The following RYR1 variants were observed in gnomAD, a reference collection of about 807,000 sequenced individuals.
RYR1 encodes ryanodine receptor 1.
A neutral mutation model predicts 583.5 loss-of-function variants in RYR1; 342 were observed. The ratio of observed to expected loss-of-function variants is 0.59; its 90% CI spans 0.54 to 0.64. The LOEUF is 0.64. Among genes scored for constraint, RYR1 ranks in the 30% least tolerant of loss-of-function variants. RYR1 has a pLI of 0.00. For missense variants in RYR1, 6,032 were observed against 6,917.2 expected (o/e 0.87, Z 4.54); for synonymous variants, 2,791 against 2,822.5 (o/e 0.99, Z 0.35).
rs778720628 is a variant in RYR1, at chr19:38,564,951, C to T, written c.12625-8C>T. On this transcript the variant is annotated splice_region_variant and splice_polypyrimidine_tract_variant and intron_variant, in intron 90 of 105. Coordinates refer to ENST00000359596, the MANE Select transcript of RYR1 (RefSeq NM_000540.3). The stretch of plus-strand genomic sequence containing the variant: ...GCGCCCTATCCTGTCTGCCGCCCCT[C>T]GCTTCAGGTGAAGGAGTCCAAGCGC... 17 of 1,572,466 alleles carry T rather than the reference C, an allele frequency of 1.1e-5. No individual in the cohort carries two copies. The highest frequency in any genetic ancestry group is 1.5e-5 in the Non-Finnish European group (17 of 1,160,330).
Position 38,500,164 on chromosome 19 carries a change from C to G in RYR1, c.7323+148C>G. ...GTTGGGGACACAACAGTGACCAAGA[C>G]AGCCCCAGGGCCTGGTCTCACAGAG... On this transcript the variant is annotated intron_variant, in intron 45 of 105. Transcript: ENST00000359596. This position sits in a 1 kb window ranked among gnomAD's most constrained non-coding sequence, Gnocchi z 5.9. 1.3e-6 allele frequency: 1 copy of G among 766,258 alleles called. No homozygotes were observed. Among genetic ancestry groups the G allele is most frequent in the Non-Finnish European group, 2.2e-6 (1 of 447,466 alleles). 47.5% of individuals were successfully genotyped at this position (766,258 alleles called of 1,614,324 possible). A position where few individuals can be genotyped will look rare whatever the true frequency, so the allele number is the denominator to read the frequency against.
intron 96 of RYR1, among the ~76,000 whole-genome samples, chr19:38,574,402 G>C (rs928657033): frequency 3.3e-5 from 5 of 151,766 alleles, no homozygotes; most frequent in Admixed American, 2.0e-4. Context: ...AGGATCCCTT[G>C]TGCCCAGGAG....
At chr19:38,503,713 C>A (rs1346034734) in intron 49 of RYR1, among the ~76,000 whole-genome samples, 1 of 151,018 alleles carries the variant, frequency 6.6e-6, no homozygotes, top group Non-Finnish European at 1.5e-5. Flanking sequence ...GCGGAGGTTG[C>A]AGTGAGCCGA....
At position 38,460,484 on chromosome 19, in the gene RYR1, C is replaced by T. The variant is rs755824160; in HGVS notation, c.2470C>T (p.Pro824Ser). ...CCCTCGAGAGCGACTCCATCTTGAA[C>T]CCATCAAGGAGTATCGACGGGAGGG... ...VLPRERLHLE[P>S]IKEYRREGPR... Residue 824 changes from proline (P) to serine (S), a missense_variant, in exon 20 of 106, where the codon CCC becomes TCC. Pro to Ser is a moderately conservative substitution (Grantham distance 74, BLOSUM62 -1). This residue lies in a region of RYR1 where 2,627 missense variants were observed against 2,961.3 expected (regional missense o/e 0.89). Transcript: ENST00000359596. 5 of 1,614,110 alleles carry T rather than the reference C, an allele frequency of 3.1e-6. No homozygotes were observed. In the South Asian group the frequency reaches 5.5e-5, roughly 18 times the overall value.
chr19:38,492,363 A>T, intron 37 of RYR1, 127 bp from the exon 38 acceptor site: 1 of 657,678 alleles, frequency 1.5e-6, no homozygotes, highest in Non-Finnish European at 2.2e-6. Flanking sequence ...ACTGTCTCAA[A>T]AAAAAAAAAA....
chr19:38,483,597 C>T lies in RYR1; in HGVS notation c.4934+81C>T, dbSNP rs1969127642. 8.0e-7 allele frequency: 1 copy of T among 1,246,520 alleles called. No homozygotes were observed. The highest frequency in any genetic ancestry group is 1.1e-6 in the Non-Finnish European group (1 of 887,400). 77.2% of individuals were successfully genotyped at this position (1,246,520 alleles called of 1,614,324 possible). Reference sequence around the variant, plus strand: ...CTGGGTCCCACTCAGTGCCCCTCCTCAACACAACCCCGGGATTCCAGACTA... The same window carrying T: ...CTGGGTCCCACTCAGTGCCCCTCCTTAACACAACCCCGGGATTCCAGACTA... On this transcript the variant is annotated intron_variant, in intron 33 of 105. Coordinates refer to ENST00000359596, the MANE Select transcript of RYR1 (RefSeq NM_000540.3). This position sits in a 1 kb window ranked among gnomAD's most constrained non-coding sequence, Gnocchi z 6.3.
intron 89 of RYR1, among the ~76,000 whole-genome samples, chr19:38,559,804 C>T (rs1486435080): frequency 6.6e-6 from 1 of 152,112 alleles, no homozygotes; most frequent in Non-Finnish European, 1.5e-5. Context: ...CATGTTGCTA[C>T]CCGTCTGGAG....
In RYR1 at chr19:38,499,538, G is replaced by A. The variant is rs1970002293; in HGVS notation, c.7028-97G>A. Reference sequence around the variant, plus strand: ...GGTGTTGGGTCCTGGAGCTGGATGGGACCTGTGTTACCCCTGGAGGTGTTG... The same window carrying A: ...GGTGTTGGGTCCTGGAGCTGGATGGAACCTGTGTTACCCCTGGAGGTGTTG... On this transcript the variant is annotated intron_variant, in intron 43 of 105. Coordinates refer to ENST00000359596, the MANE Select transcript of RYR1 (RefSeq NM_000540.3). The surrounding 1 kb of genome is among the most constrained non-coding windows in gnomAD (Gnocchi z 7.3). 1 of 1,397,000 alleles carries A rather than the reference G, an allele frequency of 7.2e-7. No individual in the cohort carries two copies. Among genetic ancestry groups the A allele is most frequent in the Admixed American group, 1.8e-5 (1 of 54,464 alleles). 86.5% of individuals were successfully genotyped at this position (1,397,000 alleles called of 1,614,324 possible).
Position 38,506,826 on chromosome 19 carries a change from C to A in RYR1, c.8693-3C>A. 6.2e-7 allele frequency: 1 copy of A among 1,614,112 alleles called. No homozygotes were observed. Among genetic ancestry groups the A allele is most frequent in the Non-Finnish European group, 8.5e-7 (1 of 1,180,034 alleles). ...CCCTGATTTCTGGTCTTTGCCTCCC[C>A]AGGCGGTGGGACCCACCCCCTGCTG... On this transcript the variant is annotated splice_polypyrimidine_tract_variant and splice_region_variant and intron_variant, in intron 56 of 105. Coordinates refer to ENST00000359596, the MANE Select transcript of RYR1 (RefSeq NM_000540.3).
intron 101 of RYR1, 24 bp from the exon 102 acceptor site, chr19:38,584,919 G>A (rs62120351): frequency 2.2e-5 from 35 of 1,613,356 alleles, no homozygotes; most frequent in Non-Finnish European, 2.9e-5. Flanking sequence ...ATGAATGAGT[G>A]ACCAGTGTGC....
chr19:38,513,635 C>T (rs1419572787), intron 63 of RYR1, among the ~76,000 whole-genome samples: 2 of 151,908 alleles, frequency 1.3e-5, no homozygotes, highest in Admixed American at 1.3e-4. Context: ...ACTTGGGAGG[C>T]TGAGGCACAA....
chr19:38,516,250 G>A, intron 65 of RYR1, 33 bp downstream of exon 65: 1 of 1,574,522 alleles, frequency 6.4e-7, no homozygotes, highest in South Asian at 1.2e-5. Flanking sequence ...AGTGCTGGGA[G>A]TCCAAATCTC....
At chr19:38,506,267 A>G in intron 54 of RYR1, 36 bp from the exon 55 acceptor site, 1 of 1,606,348 alleles carries the variant, frequency 6.2e-7, no homozygotes, top group Non-Finnish European at 8.5e-7. Flanking sequence ...CTGCTAGCCC[A>G]TCAGCCCACC....
chr19:38,572,039 G>T lies in RYR1; in HGVS notation c.13767G>T (p.Gly4589=). 2.5e-6 allele frequency: 4 copies of T among 1,614,060 alleles called. No homozygotes were observed. ...LFYKVSDSPP[G]EDDMEGSAAG... ...TTCAGGTCTCAGACTCTCCACCAGG[G>T]GAGGACGACATGGAAGGCTCAGCTG... The change falls in exon 95 of 106, where the codon GGG becomes GGT. Residue 4589 remains glycine (G), a synonymous_variant. Coordinates refer to ENST00000359596, the MANE Select transcript of RYR1 (RefSeq NM_000540.3).
Position 38,496,828 on chromosome 19 carries a change from T to C in RYR1, c.6797-32T>C. ...CCAGAGGAGGCGAGACAAGCAGGAGTGAGATGTTCTCCCCACCTCTCGCCC... is the reference window on the plus strand; with the variant it reads ...CCAGAGGAGGCGAGACAAGCAGGAGCGAGATGTTCTCCCCACCTCTCGCCC... On this transcript the variant is annotated intron_variant, in intron 41 of 105. Transcript: ENST00000359596. This position sits in a 1 kb window ranked among gnomAD's most constrained non-coding sequence, Gnocchi z 4.8. 1 of 1,562,182 alleles carries C rather than the reference T, an allele frequency of 6.4e-7. No homozygotes were observed. Among genetic ancestry groups the C allele is most frequent in the Non-Finnish European group, 8.8e-7 (1 of 1,134,468 alleles).
intron 1 of RYR1, among the ~76,000 whole-genome samples, chr19:38,436,961 C>A (rs1169829351): frequency 3.3e-5 from 5 of 152,066 alleles, no homozygotes; most frequent in Non-Finnish European, 7.3e-5. Context: ...CCTGCTGACC[C>A]CAAATCAGGC....
chr19:38,494,143 T>C (rs1282191958), intron 38 of RYR1, among the ~76,000 whole-genome samples: 2 of 152,106 alleles, frequency 1.3e-5, no homozygotes, highest in African/African-American at 4.8e-5. Flanking sequence ...CACCCTAGCC[T>C]GGGCAACAGA....
In RYR1 at chr19:38,502,937, C is replaced by T. The variant is rs143594614; in HGVS notation, c.7893C>T (p.Pro2631=). The T allele has an allele frequency of 9.3e-6, 15 of 1,611,196 alleles. No homozygotes were observed. The highest frequency in any genetic ancestry group is 1.2e-5 in the Non-Finnish European group (14 of 1,179,992). The change falls in exon 49 of 106, where the codon CCC becomes CCT. Residue 2631 remains proline (P), a synonymous_variant. Transcript: ENST00000359596. ...TGCGCCGCCTGGTGTTCGACGTGCC[C>T]ATCCTCAACGAGTTCGCCAAGATGC... ...HLLRRLVFDV[P]ILNEFAKMPL... is the part of the protein sequence containing the mutation.
At chr19:38,537,194 T>C (rs1972009730) in intron 83 of RYR1, 1 of 264,142 alleles carries the variant, frequency 3.8e-6, no homozygotes, top group African/African-American at 2.2e-5. Context: ...CCAACCGAAT[T>C]GGTTGCCTCC....
Sources: gnomAD v4.1 joint callset for allele counts (sites outside exome capture counted in the v4.1 genomes callset) on GRCh38, gnomAD v4.1.1 for gene constraint, gnomAD v4.1.1 regional missense constraint, Gnocchi (gnomAD v3.1) non-coding constraint, MANE v1.5 for transcripts, NCBI Gene and HGNC (gene_info 2026-07-23, HGNC 2026-07-21) for gene names.